The following SMAD3 variants were observed in gnomAD, a reference collection of about 807,000 sequenced individuals.
SMAD3 encodes MAD homolog 3.
In SMAD3, 12 loss-of-function variants were observed where a neutral mutation model predicts 51.8. The observed-to-expected ratio is 0.23, with a 90% CI of 0.15 to 0.38. The LOEUF (loss-of-function observed/expected upper bound fraction) is 0.38. SMAD3 is among the 10% of genes least tolerant of loss of function. The pLI is 1.00. For synonymous variants in SMAD3, 238 were observed against 227.7 expected (o/e 1.05, Z -0.41); for missense variants, 294 against 565.6 (o/e 0.52, Z 4.87).
At chr15:67,157,392 A>G (rs1962311584) in intron 1 of SMAD3, among the ~76,000 whole-genome samples, 1 of 152,172 alleles carries the variant, frequency 6.6e-6, no homozygotes, top group Admixed American at 6.5e-5. Context: ...ACCTGCCCCT[A>G]TCTCCCATGT....
chr15:67,161,441 C>T (rs566625451), intron 1 of SMAD3, among the ~76,000 whole-genome samples: 1 of 152,234 alleles, frequency 6.6e-6, no homozygotes, highest in Non-Finnish European at 1.5e-5. Flanking sequence ...CTCCACAGCC[C>T]CATTCTCCCC....
At chr15:67,070,963 T>C (rs1009830783) in intron 1 of SMAD3, among the ~76,000 whole-genome samples, 3 of 152,160 alleles carry the variant, frequency 2.0e-5, no homozygotes, top group African/African-American at 7.2e-5. Flanking sequence ...TCTGCATCAT[T>C]CATTCATTAT....
At chr15:67,146,759 AT>A (rs1270803819) in intron 1 of SMAD3, among the ~76,000 whole-genome samples, 1 of 152,102 alleles carries the variant, frequency 6.6e-6, no homozygotes, top group Non-Finnish European at 1.5e-5. Context: ...TTTAAGGTGT[AT>A]GGGGACAAAG....
At chr15:67,117,473 C>T (rs1036174581) in intron 1 of SMAD3, among the ~76,000 whole-genome samples, 4 of 152,112 alleles carry the variant, frequency 2.6e-5, no homozygotes, top group Admixed American at 2.6e-4. Flanking sequence ...CCCCCAAGTT[C>T]CAGCCCAGTG....
rs150491172 is a variant in SMAD3, at chr15:67,151,161, A to G, written c.207-13734A>G. Among the ~76,000 whole-genome samples the G allele has an allele frequency of 7.5e-3, 1,133 of 151,768 alleles. 10 individuals are homozygous for G. Among genetic ancestry groups the G allele is most frequent in the African/African-American group, 0.022 (920 of 41,394 alleles). ...GACGTGAGCCACCACGCCAGGCCTT[A>G]TATCTCAGTCTTAAGACATTCATAT... On this transcript the variant is annotated intron_variant, in intron 1 of 8. Coordinates refer to ENST00000327367, the MANE Select transcript of SMAD3 (RefSeq NM_005902.4).
intron 1 of SMAD3, among the ~76,000 whole-genome samples, chr15:67,118,487 T>G (rs968435637): frequency 3.9e-5 from 6 of 152,184 alleles, no homozygotes; most frequent in African/African-American, 1.4e-4. Context: ...GCCAGCAGAC[T>G]TGGGTCCAAA....
At chr15:67,138,242 C>A (rs1472514228) in intron 1 of SMAD3, 2 of 650,694 alleles carry the variant, frequency 3.1e-6, no homozygotes, top group Non-Finnish European at 5.4e-6. Flanking sequence ...CTTAGGATGT[C>A]AGGAAGCAAC....
chr15:67,181,419 G>A lies in SMAD3; in HGVS notation c.837G>A (p.Arg279=). The A allele has an allele frequency of 6.2e-7, 1 of 1,613,948 alleles. No individual in the cohort carries two copies. The highest frequency in any genetic ancestry group is 1.1e-5 in the South Asian group (1 of 91,064). The change falls in exon 6 of 9, where the codon AGG becomes AGA. Residue 279 remains arginine (R), a synonymous_variant. Transcript: ENST00000327367. ...FCLGLLSNVN[R]NAAVELTRRH... is the part of the protein sequence containing the mutation. ...TAGGGCTGCTCTCCAATGTCAACAGGAATGCAGCAGTGGAGCTGACACGGA... is the reference window on the plus strand; with the variant it reads ...TAGGGCTGCTCTCCAATGTCAACAGAAATGCAGCAGTGGAGCTGACACGGA...
At chr15:67,119,738 A>G (rs529106417) in intron 1 of SMAD3, among the ~76,000 whole-genome samples, 1 of 152,348 alleles carries the variant, frequency 6.6e-6, no homozygotes, top group East Asian at 1.9e-4. Flanking sequence ...TAGCAAGTTG[A>G]TATTTTTAAA....
intron 4 of SMAD3, among the ~76,000 whole-genome samples, chr15:67,168,481 G>A (rs945161400): frequency 3.3e-5 from 5 of 152,298 alleles, no homozygotes; most frequent in East Asian, 1.9e-4. Flanking sequence ...GCAGGCCAGC[G>A]GAGCAGCATG....
Position 67,066,333 on chromosome 15 carries a change from T to C in SMAD3, c.179T>C (p.Val60Ala), listed in dbSNP as rs1242358787. 2.5e-6 allele frequency: 4 copies of C among 1,612,904 alleles called. No individual in the cohort carries two copies. Among genetic ancestry groups the C allele is most frequent in the Admixed American group, 1.7e-5 (1 of 59,972 alleles). The change falls in exon 1 of 9, where the codon GTC (valine) becomes GCC (alanine). Residue 60 changes from valine to alanine, a missense_variant. Transcript: ENST00000327367. ...GAGAAGGCCATCACCACGCAGAACG[T>C]CAACACCAAGTGCATCACCATCCCC... ...ELEKAITTQN[V>A]NTKCITIPRS...
rs181705347 is a variant in SMAD3, at chr15:67,104,946, A to T, written c.206+38586A>T. 2.5e-3 allele frequency among the ~76,000 whole-genome samples: 381 copies of T among 152,374 alleles called. 1 individual carries two copies. The highest frequency in any genetic ancestry group is 4.5e-3 in the Non-Finnish European group (309 of 68,042). On this transcript the variant is annotated intron_variant, in intron 1 of 8. Transcript: ENST00000327367. ...GGACAGACACCGTGCAGCTGCGTGC[A>T]GACTTCTTTCAGAGTTTGATCTTGC...
intron 1 of SMAD3, among the ~76,000 whole-genome samples, chr15:67,080,161 C>T (rs527448794): frequency 2.6e-5 from 4 of 152,324 alleles, no homozygotes; most frequent in South Asian, 2.1e-4. Context: ...GAATTGGATC[C>T]GCCAGCTCAT....
In SMAD3 at chr15:67,065,646, C is replaced by T. The variant is rs1444042452; in HGVS notation, c.-509C>T. On this transcript the variant is annotated 5_prime_UTR_variant, in exon 1 of 9. Transcript: ENST00000327367. The stretch of plus-strand genomic sequence containing the variant: ...GGCGGGAGCGGGAGCGCGGCGCACG[C>T]CCCGGGCCGGCCCAGCCAGCGAGCG... Among the ~76,000 whole-genome samples, 1 of 151,674 alleles carries T rather than the reference C, an allele frequency of 6.6e-6. No individual in the cohort carries two copies. The highest frequency in any genetic ancestry group is 6.5e-5 in the Admixed American group (1 of 15,272).
intron 1 of SMAD3, among the ~76,000 whole-genome samples, chr15:67,137,571 T>A (rs917968927): frequency 6.6e-6 from 1 of 152,230 alleles, no homozygotes; most frequent in Non-Finnish European, 1.5e-5. Context: ...GTCTGCAGTT[T>A]TAGTTGCTTT....
At position 67,112,325 on chromosome 15, in the gene SMAD3, A is replaced by ATT. The variant is rs56655463; in HGVS notation, c.206+45979_206+45980dup. Among the ~76,000 whole-genome samples, 29 of 102,710 alleles carry ATT rather than the reference A, an allele frequency of 2.8e-4. No individual in the cohort carries two copies. The East Asian group carries it at 3.1e-3, about 11-fold the overall frequency. 67.4% of individuals were successfully genotyped at this position (102,710 alleles called of 152,430 possible). On this transcript the variant is annotated intron_variant, in intron 1 of 8. Transcript: ENST00000327367. Reference sequence around the variant, plus strand: ...CCACCACTCCTGGCTAATTTTTTGTATTTTTTTTTTTTTTTAGTAGAGATG... The same window carrying ATT: ...CCACCACTCCTGGCTAATTTTTTGTATTTTTTTTTTTTTTTTTAGTAGAGATG...
chr15:67,192,829 G>C lies in SMAD3; in HGVS notation c.*2293G>C, dbSNP rs565420956. 1 of 233,282 alleles carries C rather than the reference G, an allele frequency of 4.3e-6. No homozygotes were observed. The allele number at this position is 233,282 out of a possible 1,614,324, so 14.5% of individuals were successfully genotyped here. On this transcript the variant is annotated 3_prime_UTR_variant, in exon 9 of 9. Transcript: ENST00000327367. Reference sequence around the variant, plus strand: ...ATGTGATGAAATGACACGTTTGGCTGCATTTGGATGGTGTCTTAGAACCCT... The same window carrying C: ...ATGTGATGAAATGACACGTTTGGCTCCATTTGGATGGTGTCTTAGAACCCT...
At chr15:67,150,202 C>T (rs1962091285) in intron 1 of SMAD3, among the ~76,000 whole-genome samples, 1 of 152,176 alleles carries the variant, frequency 6.6e-6, no homozygotes, top group Non-Finnish European at 1.5e-5. Flanking sequence ...GCCCGGTTGA[C>T]CCGTTGCATG....
At chr15:67,102,566 G>A (rs992303279) in intron 1 of SMAD3, among the ~76,000 whole-genome samples, 36 of 151,946 alleles carry the variant, frequency 2.4e-4, no homozygotes, top group African/African-American at 8.7e-4. Context: ...GCTAATTCAG[G>A]GCCATACTGG....
Sources: allele counts gnomAD v4.1 joint callset (sites outside exome capture counted in the v4.1 genomes callset), GRCh38; gene constraint gnomAD v4.1.1; transcripts MANE v1.5; gene names NCBI Gene and HGNC (gene_info 2026-07-23, HGNC 2026-07-21).